SEMA3E: variants seen among roughly 807,000 people sequenced by gnomAD.
The protein encoded by SEMA3E is semaphorin 3E.
SEMA3E carries 49 observed loss-of-function variants against 93.6 expected under a neutral mutation model. That is an observed-to-expected ratio of 0.52 (90% confidence interval 0.42 to 0.66). The LOEUF is 0.66. SEMA3E is among the 30% of genes least tolerant of loss of function. SEMA3E has a pLI of 0.00. For missense variants in SEMA3E, 906 were observed against 964.8 expected, an observed-to-expected ratio of 0.94 and a Z score of 0.81; for synonymous variants, 363 against 330.7, an observed-to-expected ratio of 1.10 and a Z score of -1.06.
chr7:83,579,718 T>A (rs1253300765), intron 1 of SEMA3E, among the ~76,000 whole-genome samples: 5 of 152,112 alleles, frequency 3.3e-5, no homozygotes, highest in Non-Finnish European at 7.4e-5. Context: ...CAATTATTCT[T>A]TTTCTTTCTT....
chr7:83,622,252 G>C (rs1218763619), intron 1 of SEMA3E, among the ~76,000 whole-genome samples: 2 of 151,780 alleles, frequency 1.3e-5, no homozygotes, highest in Non-Finnish European at 2.9e-5. Context: ...CTGATCATTA[G>C]AGAAATGCAA....
At chr7:83,616,194 T>A (rs189047584) in intron 1 of SEMA3E, among the ~76,000 whole-genome samples, 1 of 152,156 alleles carries the variant, frequency 6.6e-6, no homozygotes, top group Non-Finnish European at 1.5e-5. Flanking sequence ...AGAGAGTATA[T>A]GTATTACAAA....
chr7:83,402,823 G>C, intron 9 of SEMA3E, 47 bp from the exon 10 acceptor site: 1 of 1,566,440 alleles, frequency 6.4e-7, no homozygotes, highest in Non-Finnish European at 8.7e-7. Context: ...CTAACTGCAG[G>C]TCATCTAGCC....
At chr7:83,435,785 C>G (rs774729829) in intron 4 of SEMA3E, among the ~76,000 whole-genome samples, 1 of 152,222 alleles carries the variant, frequency 6.6e-6, no homozygotes, top group Admixed American at 6.5e-5. Context: ...TATCATTGGT[C>G]TTTCGTGATG....
intron 1 of SEMA3E, among the ~76,000 whole-genome samples, chr7:83,507,932 A>C (rs998186487): frequency 6.6e-6 from 1 of 152,148 alleles, no homozygotes; most frequent in East Asian, 1.9e-4. Flanking sequence ...CCTGGGTGAC[A>C]AAGCAAAACC....
intron 1 of SEMA3E, among the ~76,000 whole-genome samples, chr7:83,581,127 T>A (rs1367821770): frequency 6.6e-6 from 1 of 151,992 alleles, no homozygotes. Flanking sequence ...GTAAGTGAAA[T>A]TAAGACATAA....
intron 1 of SEMA3E, among the ~76,000 whole-genome samples, chr7:83,622,876 T>C (rs1793594351): frequency 6.6e-6 from 1 of 150,996 alleles, no homozygotes; most frequent in African/African-American, 2.4e-5. Context: ...AACTAATGGG[T>C]GCTGGGCTTA....
At position 83,367,741 on chromosome 7, in the gene SEMA3E, C is replaced by T; in HGVS notation, c.2173G>A (p.Val725Met). The T allele has an allele frequency of 1.1e-5, 18 of 1,614,078 alleles. No homozygotes were observed. The highest frequency in any genetic ancestry group is 1.5e-5 in the Non-Finnish European group (18 of 1,180,014). ...CATACTTTCTCGCAGTATTCTTCCA[C>T]TCTCTGGAAGTTGCTATAACCGATC... The part of the protein sequence containing the change: ...QLIGYSNFQR[V>M]EEYCEKVWCT... The change falls in exon 17 of 17, where the codon GTG (valine) becomes ATG (methionine). Residue 725 changes from valine (V) to methionine (M), a missense_variant. Physicochemically the swap from Val to Met is conservative, Grantham distance 21. Transcript: ENST00000643230.
At chr7:83,606,945 CTGTTA>C (rs1269514796) in intron 1 of SEMA3E, among the ~76,000 whole-genome samples, 1 of 152,100 alleles carries the variant, frequency 6.6e-6, no homozygotes, top group East Asian at 1.9e-4. Flanking sequence ...CACAATCTTT[CTGTTA>C]TATGTAGGCT....
intron 14 of SEMA3E, among the ~76,000 whole-genome samples, chr7:83,387,522 T>A (rs1379592871): frequency 6.6e-6 from 1 of 152,076 alleles, no homozygotes; most frequent in East Asian, 1.9e-4. Context: ...CTATAGCCAT[T>A]ATAATCAATT....
Position 83,531,341 on chromosome 7 carries a change from C to CTTT in SEMA3E, c.116-41070_116-41068dup, listed in dbSNP as rs144165250. On this transcript the variant is annotated intron_variant, in intron 1 of 16. Coordinates refer to ENST00000643230, the MANE Select transcript of SEMA3E (RefSeq NM_012431.3). ...ATGTGTGCTTCTTGATTGGAATATT[C>CTTT]TTTTTTTTTTTTTTTTTTTTTCCGA... Among the ~76,000 whole-genome samples, 343 of 68,140 alleles carry CTTT rather than the reference C, an allele frequency of 5.0e-3. 91 individuals carry two copies. The highest frequency in any genetic ancestry group is 0.043 in the Middle Eastern group (2 of 46). The allele number at this position is 68,140 out of a possible 152,430, so 44.7% of individuals were successfully genotyped here. A position where few individuals can be genotyped will look rare whatever the true frequency, so the allele number is the denominator to read the frequency against.
intron 1 of SEMA3E, among the ~76,000 whole-genome samples, chr7:83,591,509 G>T (rs1322838706): frequency 6.6e-6 from 1 of 151,626 alleles, no homozygotes; most frequent in East Asian, 1.9e-4. Context: ...CTACAATTTG[G>T]TAAAGCTGAA....
chr7:83,543,181 T>G (rs1791574157), intron 1 of SEMA3E, among the ~76,000 whole-genome samples: 1 of 152,034 alleles, frequency 6.6e-6, no homozygotes, highest in Admixed American at 6.6e-5. Context: ...ACACATGGAT[T>G]GACAAAATGT....
intron 1 of SEMA3E, among the ~76,000 whole-genome samples, chr7:83,528,696 G>A (rs1433707015): frequency 2.0e-5 from 3 of 151,894 alleles, no homozygotes; most frequent in Non-Finnish European, 2.9e-5. Context: ...AACTCCACTT[G>A]CAAACTATGA....
At chr7:83,638,822 A>G (rs1793932141) in intron 1 of SEMA3E, among the ~76,000 whole-genome samples, 2 of 152,058 alleles carry the variant, frequency 1.3e-5, no homozygotes, top group Non-Finnish European at 2.9e-5. Flanking sequence ...GTTAAAACAG[A>G]GATTCCTGGC....
intron 4 of SEMA3E, among the ~76,000 whole-genome samples, chr7:83,442,313 C>T (rs1789131037): frequency 6.6e-6 from 1 of 152,148 alleles, no homozygotes; most frequent in African/African-American, 2.4e-5. Context: ...ATTTTGGATG[C>T]CGATCCTTTC....
At chr7:83,595,036 T>C (rs976616096) in intron 1 of SEMA3E, among the ~76,000 whole-genome samples, 6 of 151,746 alleles carry the variant, frequency 4.0e-5, no homozygotes, top group Non-Finnish European at 5.9e-5. Flanking sequence ...GACCTGGAGA[T>C]TGTGTAGTTA....
intron 5 of SEMA3E, among the ~76,000 whole-genome samples, chr7:83,416,939 C>A (rs2713148): frequency 0.54 from 80,546 of 150,454 alleles, 23,337 homozygotes; most frequent in East Asian, 0.84. Context: ...CTTAGGCAAC[C>A]CTTTTCTCAT....
At chr7:83,446,715 CATT>C (rs1358404918) in intron 4 of SEMA3E, among the ~76,000 whole-genome samples, 1 of 152,202 alleles carries the variant, frequency 6.6e-6, no homozygotes, top group Admixed American at 6.5e-5. Flanking sequence ...GAAAGCAACA[CATT>C]ATAATGAAAA....
Sources: allele counts gnomAD v4.1 joint callset (sites outside exome capture counted in the v4.1 genomes callset), GRCh38; gene constraint gnomAD v4.1.1; transcripts MANE v1.5; gene names NCBI Gene and HGNC (gene_info 2026-07-23, HGNC 2026-07-21).